The following SPOCK1 variants were observed in gnomAD, a reference collection of about 807,000 sequenced individuals.
SPOCK1 encodes SPARC (osteonectin), cwcv and kazal like domains proteoglycan 1.
In SPOCK1, 23 loss-of-function variants were observed where a neutral mutation model predicts 55.3. The observed-to-expected ratio is 0.42, with a 90% CI of 0.30 to 0.59. SPOCK1 has a LOEUF of 0.59. Ranked by LOEUF, SPOCK1 falls within the 20% of genes least tolerant of loss-of-function variation. SPOCK1 has a pLI of 0.22. For synonymous variants in SPOCK1, 226 were observed against 221.0 expected (o/e 1.02, Z -0.20); for missense variants, 499 against 552.5 (o/e 0.90, Z 0.97).
intron 2 of SPOCK1, among the ~76,000 whole-genome samples, chr5:137,402,484 T>G (rs1043454127): frequency 2.0e-5 from 3 of 152,218 alleles, no homozygotes; most frequent in Admixed American, 2.0e-4. Flanking sequence ...GCTGAGGCAA[T>G]AGTTGGCCTA....
chr5:137,356,210 G>A (rs891589262), intron 2 of SPOCK1, among the ~76,000 whole-genome samples: 30 of 152,150 alleles, frequency 2.0e-4, no homozygotes, highest in African/African-American at 6.5e-4. Context: ...ACTCTAACTC[G>A]GCCCCAGCCT....
chr5:137,033,529 C>A (rs3888550), intron 6 of SPOCK1, among the ~76,000 whole-genome samples: 26,854 of 152,072 alleles, frequency 0.18, 3,741 homozygotes, highest in African/African-American at 0.39. Context: ...TCACCTTGCA[C>A]GCTATCTGAA....
intron 5 of SPOCK1, among the ~76,000 whole-genome samples, chr5:137,099,914 G>A (rs1344319807): frequency 1.3e-5 from 2 of 152,126 alleles, no homozygotes; most frequent in Admixed American, 1.3e-4. Context: ...ACCCCCCGGA[G>A]TCATGGTCAG....
intron 2 of SPOCK1, among the ~76,000 whole-genome samples, chr5:137,461,780 T>A (rs762815005): frequency 6.6e-6 from 1 of 152,178 alleles, no homozygotes; most frequent in Non-Finnish European, 1.5e-5. Context: ...AGAGAGACAA[T>A]AACTGAAACT....
chr5:137,062,528 T>A (rs1368036629), intron 6 of SPOCK1, among the ~76,000 whole-genome samples: 1 of 126,996 alleles, frequency 7.9e-6, no homozygotes, highest in Non-Finnish European at 1.5e-5. Context: ...GCATTATAAA[T>A]AATAATAATA....
intron 2 of SPOCK1, among the ~76,000 whole-genome samples, chr5:137,290,045 A>G (rs1210990268): frequency 6.6e-6 from 1 of 152,222 alleles, no homozygotes; most frequent in Non-Finnish European, 1.5e-5. Context: ...CTGTTTGGCA[A>G]TAGGAACTGA....
At position 137,254,008 on chromosome 5, in the gene SPOCK1, T is replaced by C. The variant is rs73296736; in HGVS notation, c.232+13002A>G. On this transcript the variant is annotated intron_variant, in intron 3 of 10. Transcript: ENST00000394945. ...GTGCCTTGCTATGAGAACAGAATGA[T>C]GAATGCTCACTCTTAATCTGACAGT... 6.4e-3 allele frequency among the ~76,000 whole-genome samples: 979 copies of C among 152,348 alleles called. 23 individuals carry two copies. The highest frequency in any genetic ancestry group is 0.022 in the African/African-American group (914 of 41,572).
At chr5:137,487,754 G>A (rs1754091339) in intron 2 of SPOCK1, among the ~76,000 whole-genome samples, 1 of 152,126 alleles carries the variant, frequency 6.6e-6, no homozygotes, top group African/African-American at 2.4e-5. Context: ...GTGCTCATGT[G>A]TGCAAGCATC....
At chr5:137,139,093 A>C (rs1171731664) in intron 4 of SPOCK1, among the ~76,000 whole-genome samples, 1 of 152,248 alleles carries the variant, frequency 6.6e-6, no homozygotes, top group Non-Finnish European at 1.5e-5. Flanking sequence ...CACAGGCTGA[A>C]GTATTCCAGG....
Position 137,126,740 on chromosome 5 carries a change from G to A in SPOCK1, c.347+13840C>T, listed in dbSNP as rs563034859. ...TCACACCAGTCTGGGCAACAAGAAC[G>A]AAACTCCATCTCAAAAAATAAAGAA... On this transcript the variant is annotated intron_variant, in intron 4 of 10. Coordinates refer to ENST00000394945, the MANE Select transcript of SPOCK1 (RefSeq NM_004598.4). Among the ~76,000 whole-genome samples the A allele has an allele frequency of 6.6e-5, 10 of 152,274 alleles. 1 individual carries two copies. Among genetic ancestry groups the A allele is most frequent in the South Asian group, 2.1e-4 (1 of 4,820 alleles).
chr5:137,136,004 TC>T (rs1661045384), intron 4 of SPOCK1, among the ~76,000 whole-genome samples: 1 of 152,220 alleles, frequency 6.6e-6, no homozygotes. Context: ...TACAATCAAA[TC>T]TTTTGTTGTA....
At chr5:137,443,850 A>G (rs770478198) in intron 2 of SPOCK1, among the ~76,000 whole-genome samples, 11 of 152,038 alleles carry the variant, frequency 7.2e-5, no homozygotes, top group Non-Finnish European at 1.2e-4. Context: ...CTCCTGAATC[A>G]TCTCCCTAAC....
At chr5:137,285,334 TATTAAC>T (rs1757241788) in intron 2 of SPOCK1, among the ~76,000 whole-genome samples, 1 of 152,236 alleles carries the variant, frequency 6.6e-6, no homozygotes, top group African/African-American at 2.4e-5. Context: ...TCTTTTGTGT[TATTAAC>T]ATTGTCTCTC....
intron 3 of SPOCK1, among the ~76,000 whole-genome samples, chr5:137,165,617 T>A (rs1041150395): frequency 3.3e-5 from 5 of 152,160 alleles, no homozygotes; most frequent in Non-Finnish European, 5.9e-5. Context: ...ATGTGACCTT[T>A]CAGACAGAGA....
chr5:137,188,188 C>T (rs921466014), intron 3 of SPOCK1, among the ~76,000 whole-genome samples: 1 of 152,324 alleles, frequency 6.6e-6, no homozygotes, highest in Non-Finnish European at 1.5e-5. Context: ...TGGCCCCATT[C>T]TTCCCTATCT....
chr5:137,057,715 A>G (rs926872275), intron 6 of SPOCK1, among the ~76,000 whole-genome samples: 1 of 152,188 alleles, frequency 6.6e-6, no homozygotes, highest in Non-Finnish European at 1.5e-5. Context: ...AGGCCTACCA[A>G]CATTTCACTA....
intron 2 of SPOCK1, chr5:137,365,161 C>G (rs1035981885): frequency 6.6e-6 from 1 of 152,438 alleles, no homozygotes; most frequent in Non-Finnish European, 1.5e-5. Flanking sequence ...ATCCCCTCTC[C>G]TCCCAGGCTG....
chr5:137,143,317 C>T (rs1479968754), intron 3 of SPOCK1, among the ~76,000 whole-genome samples: 1 of 152,198 alleles, frequency 6.6e-6, no homozygotes, highest in Non-Finnish European at 1.5e-5. Flanking sequence ...TTATTTTTGC[C>T]TCTGTATCCA....
At chr5:137,414,208 C>T (rs906373539) in intron 2 of SPOCK1, among the ~76,000 whole-genome samples, 10 of 152,194 alleles carry the variant, frequency 6.6e-5, no homozygotes, top group Non-Finnish European at 1.3e-4. Flanking sequence ...TCCTTCACTA[C>T]AGTGTCTGCA....
Sources: allele counts gnomAD v4.1 joint callset (sites outside exome capture counted in the v4.1 genomes callset), GRCh38; gene constraint gnomAD v4.1.1; transcripts MANE v1.5; gene names NCBI Gene and HGNC (gene_info 2026-07-23, HGNC 2026-07-21).